Variants in CSMD1 observed in about 807,000 individuals in gnomAD.
CSMD1 encodes the protein CUB and sushi domain-containing protein 1.
A neutral mutation model predicts 417.5 loss-of-function variants in CSMD1; 213 were observed. The ratio of observed to expected loss-of-function variants is 0.51; its 90% CI spans 0.46 to 0.57. The LOEUF is 0.57. Ranked by LOEUF, CSMD1 falls within the 20% of genes least tolerant of loss-of-function variation. CSMD1 has a pLI of 0.00. For missense variants in CSMD1, 6,923 were observed against 4,529.7 expected, an observed-to-expected ratio of 1.53 and a Z score of -15.17; for synonymous variants, 2,862 against 1,736.8, an observed-to-expected ratio of 1.65 and a Z score of -16.11.
intron 6 of CSMD1, among the ~76,000 whole-genome samples, chr8:3,742,043 G>A (rs1018922561): frequency 6.7e-6 from 1 of 149,158 alleles, no homozygotes; most frequent in African/African-American, 2.5e-5. Flanking sequence ...TTTCTTCCCA[G>A]CTTCACACTC....
intron 2 of CSMD1, among the ~76,000 whole-genome samples, chr8:4,530,906 C>T (rs917294490): frequency 6.6e-6 from 1 of 151,968 alleles, no homozygotes; most frequent in African/African-American, 2.4e-5. Flanking sequence ...ACCGGAACTA[C>T]AGCTGAGCTT....
chr8:4,255,675 T>C (rs1049351294), intron 3 of CSMD1, among the ~76,000 whole-genome samples: 2 of 152,228 alleles, frequency 1.3e-5, no homozygotes, highest in Non-Finnish European at 2.9e-5. Context: ...ATGTATTACG[T>C]GAAGAGTTAA....
At chr8:3,019,428 C>T (rs1809159513) in intron 51 of CSMD1, among the ~76,000 whole-genome samples, 1 of 152,214 alleles carries the variant, frequency 6.6e-6, no homozygotes, top group South Asian at 2.1e-4. Flanking sequence ...TACCAATTTT[C>T]TTCACCAAAG....
chr8:3,639,350 G>C (rs541578170), intron 7 of CSMD1, among the ~76,000 whole-genome samples: 1 of 152,152 alleles, frequency 6.6e-6, no homozygotes, highest in Admixed American at 6.5e-5. Flanking sequence ...TGGAGTTTAA[G>C]AGGAAAAAGA....
rs1453320248 is a variant in CSMD1 at position 3,419,546 on chromosome 8, GTAACCCTCAGC to G, written c.1562-9952_1562-9942del. Among the ~76,000 whole-genome samples the G allele has an allele frequency of 7.9e-5, 12 of 152,226 alleles. No homozygotes were observed. In the Middle Eastern group the frequency reaches 0.01, roughly 129 times the overall value. The stretch of plus-strand genomic sequence containing the variant: ...TGCCTGTCAGGAGGAGGATATTCAA[GTAACCCTCAGC>G]TAACTAGGAAATTCTGAAACCTGGA... On this transcript the variant is annotated intron_variant, in intron 12 of 69. Coordinates refer to ENST00000635120, the MANE Select transcript of CSMD1 (RefSeq NM_033225.6).
At chr8:4,284,108 C>T (rs768277394) in intron 3 of CSMD1, among the ~76,000 whole-genome samples, 1 of 152,004 alleles carries the variant, frequency 6.6e-6, no homozygotes, top group East Asian at 1.9e-4. Context: ...TGGCTCACAC[C>T]TGTAATCCTA....
At chr8:4,428,078 A>T (rs1016005977) in intron 2 of CSMD1, among the ~76,000 whole-genome samples, 2 of 152,144 alleles carry the variant, frequency 1.3e-5, no homozygotes, top group African/African-American at 4.8e-5. Context: ...TCGTTTTCAT[A>T]TCAGACAATA....
intron 6 of CSMD1, among the ~76,000 whole-genome samples, chr8:3,729,240 C>T (rs554456374): frequency 1.3e-5 from 2 of 152,166 alleles, no homozygotes; most frequent in South Asian, 4.1e-4. Flanking sequence ...TCTTCCCTGC[C>T]TTTTTAATGA....
intron 1 of CSMD1, among the ~76,000 whole-genome samples, chr8:4,746,877 A>G (rs1331766286): frequency 6.6e-6 from 1 of 152,232 alleles, no homozygotes; most frequent in African/African-American, 2.4e-5. Flanking sequence ...ATTCTTTAAA[A>G]GCATAATTGA....
At chr8:4,173,786 A>C (rs188664788) in intron 3 of CSMD1, among the ~76,000 whole-genome samples, 1 of 152,084 alleles carries the variant, frequency 6.6e-6, no homozygotes, top group African/African-American at 2.4e-5. Context: ...CTATGACTCA[A>C]AAGTTAGTGG....
At chr8:4,165,559 G>A (rs181054624) in intron 3 of CSMD1, among the ~76,000 whole-genome samples, 2 of 152,222 alleles carry the variant, frequency 1.3e-5, no homozygotes, top group East Asian at 3.9e-4. Context: ...GCACCACCAT[G>A]CCCAGCTAAT....
chr8:3,850,841 G>T (rs1803854794), intron 5 of CSMD1, among the ~76,000 whole-genome samples: 3 of 152,158 alleles, frequency 2.0e-5, no homozygotes, highest in South Asian at 4.1e-4. Context: ...GATAAAAAAT[G>T]ATAGATACTC....
At chr8:4,788,993 A>T (rs775561348) in intron 1 of CSMD1, among the ~76,000 whole-genome samples, 29 of 152,142 alleles carry the variant, frequency 1.9e-4, no homozygotes, top group Non-Finnish European at 3.8e-4. Context: ...ATTCATGGTT[A>T]GGACTCTCAG....
chr8:2,979,449 C>T (rs1035337020), intron 54 of CSMD1, among the ~76,000 whole-genome samples: 4 of 152,196 alleles, frequency 2.6e-5, no homozygotes, highest in African/African-American at 4.8e-5. Context: ...TGCCTGTTGG[C>T]GTCTGTGAGG....
chr8:4,047,222 GACTCTAGT>G (rs1798193520), intron 3 of CSMD1, among the ~76,000 whole-genome samples: 1 of 152,122 alleles, frequency 6.6e-6, no homozygotes, highest in Non-Finnish European at 1.5e-5. Flanking sequence ...ATTTCAGTCT[GACTCTAGT>G]GTTCATCAAA....
intron 47 of CSMD1, among the ~76,000 whole-genome samples, chr8:3,096,459 C>G (rs537649161): frequency 1.0e-3 from 155 of 152,030 alleles, no homozygotes; most frequent in Non-Finnish European, 1.8e-3. Flanking sequence ...GTGCGTGCAC[C>G]CACTCTTTCT....
At chr8:4,479,987 G>T (rs941831064) in intron 2 of CSMD1, among the ~76,000 whole-genome samples, 5 of 150,260 alleles carry the variant, frequency 3.3e-5, no homozygotes, top group African/African-American at 1.2e-4. Flanking sequence ...AAAATAAAAA[G>T]TCAACAAAAA....
At position 3,714,563 on chromosome 8, in the gene CSMD1, A is replaced by C. The variant is rs1475001806; in HGVS notation, c.932-6072T>G. Among the ~76,000 whole-genome samples, 44 of 141,868 alleles carry C rather than the reference A, an allele frequency of 3.1e-4. 1 individual carries two copies. The highest frequency in any genetic ancestry group is 8.4e-4 in the African/African-American group (32 of 38,152). 93.1% of individuals were successfully genotyped at this position (141,868 alleles called of 152,430 possible). A position where few individuals can be genotyped will look rare whatever the true frequency, so the allele number is the denominator to read the frequency against. Reference sequence around the variant, plus strand: ...ATGGCGAAACCCCATCTCTATCCCAAAAAAAAAAAAAAAAAAAATTAGCCC... The same window carrying C: ...ATGGCGAAACCCCATCTCTATCCCACAAAAAAAAAAAAAAAAAATTAGCCC... On this transcript the variant is annotated intron_variant, in intron 6 of 69. Coordinates refer to ENST00000635120, the MANE Select transcript of CSMD1 (RefSeq NM_033225.6).
intron 5 of CSMD1, among the ~76,000 whole-genome samples, chr8:3,953,693 G>A (rs878976617): frequency 6.6e-6 from 1 of 152,114 alleles, no homozygotes; most frequent in African/African-American, 2.4e-5. Flanking sequence ...GGGGAGGGGT[G>A]AGGGGTGGAT....
Sources: allele counts gnomAD v4.1 joint callset (sites outside exome capture counted in the v4.1 genomes callset), GRCh38; gene constraint gnomAD v4.1.1; transcripts MANE v1.5; gene names NCBI Gene and HGNC (gene_info 2026-07-23, HGNC 2026-07-21).